The following NAV2 variants were observed in gnomAD, a reference collection of about 807,000 sequenced individuals.
The protein encoded by NAV2 is helicase, APC down-regulated 1.
A neutral mutation model predicts 223.2 loss-of-function variants in NAV2; 54 were observed. The ratio of observed to expected loss-of-function variants is 0.24; its 90% CI spans 0.19 to 0.30. NAV2 has a LOEUF of 0.30. Ranked by LOEUF, NAV2 falls within the 10% of genes least tolerant of loss-of-function variation. The pLI is 1.00. For missense variants in NAV2, 2,806 were observed against 3,147.5 expected (o/e 0.89, Z 2.60); for synonymous variants, 1,279 against 1,239.3 (o/e 1.03, Z -0.67).
At chr11:20,084,958 G>A (rs911437474) in intron 26 of NAV2, among the ~76,000 whole-genome samples, 2 of 152,154 alleles carry the variant, frequency 1.3e-5, no homozygotes, top group Non-Finnish European at 2.9e-5. Flanking sequence ...GGAGGCCAAG[G>A]AGGGAGGATT....
At chr11:19,353,395 G>A (rs1853437186) in intron 1 of NAV2, among the ~76,000 whole-genome samples, 1 of 152,200 alleles carries the variant, frequency 6.6e-6, no homozygotes, top group South Asian at 2.1e-4. Flanking sequence ...AATAGGATCT[G>A]GCTGTTTGTG....
chr11:20,106,224 T>C (rs1189300296), intron 35 of NAV2, among the ~76,000 whole-genome samples: 2 of 109,370 alleles, frequency 1.8e-5, no homozygotes, highest in African/African-American at 6.7e-5. Context: ...TATATATATA[T>C]ATATATGCTT....
At chr11:19,401,389 G>T (rs1849679369) in intron 1 of NAV2, among the ~76,000 whole-genome samples, 1 of 152,180 alleles carries the variant, frequency 6.6e-6, no homozygotes, top group Non-Finnish European at 1.5e-5. Flanking sequence ...TTGTCTTATT[G>T]GTGTTGATAG....
At chr11:19,394,463 C>G (rs2729861) in intron 1 of NAV2, among the ~76,000 whole-genome samples, 2 of 152,136 alleles carry the variant, frequency 1.3e-5, no homozygotes, top group African/African-American at 4.8e-5. Flanking sequence ...AGACTCTGGG[C>G]GCATAGTGGT....
chr11:19,503,357 G>A (rs974372817), intron 1 of NAV2: 1 of 152,176 alleles, frequency 6.6e-6, no homozygotes, highest in Non-Finnish European at 1.5e-5. Flanking sequence ...GTTGTTCCTT[G>A]TATGGGTTTG....
At chr11:19,629,578 C>CAG (rs1491007251) in intron 1 of NAV2, among the ~76,000 whole-genome samples, 4 of 146,356 alleles carry the variant, frequency 2.7e-5, no homozygotes, top group Admixed American at 2.7e-4. Flanking sequence ...CACACACACA[C>CAG]AGCCTAGGAG....
chr11:20,038,827 C>A (rs2056647491), intron 12 of NAV2, among the ~76,000 whole-genome samples: 1 of 152,120 alleles, frequency 6.6e-6, no homozygotes, highest in Non-Finnish European at 1.5e-5. Context: ...GTTTGAAAAG[C>A]CTCTGAGAAA....
chr11:19,654,255 T>G (rs2048053313), intron 1 of NAV2, among the ~76,000 whole-genome samples: 1 of 152,166 alleles, frequency 6.6e-6, no homozygotes, highest in Non-Finnish European at 1.5e-5. Context: ...TACAAACAAA[T>G]GGAAGAACAT....
intron 1 of NAV2, among the ~76,000 whole-genome samples, chr11:19,636,911 T>C (rs1018644322): frequency 6.6e-6 from 1 of 151,996 alleles, no homozygotes; most frequent in South Asian, 2.1e-4. Context: ...AATGTGATAA[T>C]GAGTTTCCTC....
At chr11:19,775,361 A>C (rs138036675) in intron 1 of NAV2, among the ~76,000 whole-genome samples, 66 of 152,262 alleles carry the variant, frequency 4.3e-4, no homozygotes, top group Middle Eastern at 3.4e-3. Context: ...GTAGTCATTC[A>C]GTCTAAGTTA....
At position 19,860,015 on chromosome 11, in the gene NAV2, G is replaced by T. The variant is rs558910110; in HGVS notation, c.439-8910G>T. Among the ~76,000 whole-genome samples the T allele has an allele frequency of 4.7e-3, 526 of 111,578 alleles. 22 individuals carry two copies. The highest frequency in any genetic ancestry group is 0.018 in the African/African-American group (491 of 27,288). 73.2% of individuals were successfully genotyped at this position (111,578 alleles called of 152,430 possible). Reference sequence around the variant, plus strand: ...GGGGGGCTGACCCCCCCTCCCTCCCGGATGGGGCGGCTGGCCAGGCGGGGG... The same window carrying T: ...GGGGGGCTGACCCCCCCTCCCTCCCTGATGGGGCGGCTGGCCAGGCGGGGG... On this transcript the variant is annotated intron_variant, in intron 3 of 37. Transcript: ENST00000349880.
intron 1 of NAV2, among the ~76,000 whole-genome samples, chr11:19,578,702 G>A (rs528483982): frequency 6.6e-6 from 1 of 152,348 alleles, no homozygotes; most frequent in South Asian, 2.1e-4. Flanking sequence ...TCAGGGGTCT[G>A]CATATTTTGG....
chr11:19,746,414 C>T (rs987335407), intron 1 of NAV2, among the ~76,000 whole-genome samples: 1 of 152,058 alleles, frequency 6.6e-6, no homozygotes, highest in African/African-American at 2.4e-5. Context: ...TCACACATGC[C>T]TCCAATCTTA....
chr11:19,615,770 C>A (rs182977839), intron 1 of NAV2, among the ~76,000 whole-genome samples: 1 of 152,118 alleles, frequency 6.6e-6, no homozygotes, highest in Non-Finnish European at 1.5e-5. Context: ...TTATTGAGAG[C>A]GTGTGATGTG....
chr11:19,538,727 G>A (rs909038265), intron 1 of NAV2, among the ~76,000 whole-genome samples: 1 of 151,342 alleles, frequency 6.6e-6, no homozygotes, highest in African/African-American at 2.4e-5. Flanking sequence ...TTTTATTTAT[G>A]TATCTTTTTA....
At chr11:19,962,637 G>C (rs2048433378) in intron 10 of NAV2, among the ~76,000 whole-genome samples, 1 of 152,166 alleles carries the variant, frequency 6.6e-6, no homozygotes, top group Non-Finnish European at 1.5e-5. Flanking sequence ...CCTGGGTCCT[G>C]GTAAGAAATC....
rs371909380 is a variant in NAV2 at position 19,822,288 on chromosome 11, G to A, written c.268-10196G>A. ...AACTATCAGGAAATGCTTGGAGCAT[G>A]TTTGGAACTAAATTATCTGACTCTA... On this transcript the variant is annotated intron_variant, in intron 1 of 37. Transcript: ENST00000349880. Among the ~76,000 whole-genome samples the A allele has an allele frequency of 5.6e-3, 846 of 152,308 alleles. 10 individuals are homozygous for A. Among genetic ancestry groups the A allele is most frequent in the African/African-American group, 0.02 (814 of 41,556 alleles).
At chr11:20,087,558 C>T (rs77830322) in intron 26 of NAV2, among the ~76,000 whole-genome samples, 2 of 152,098 alleles carry the variant, frequency 1.3e-5, no homozygotes, top group Non-Finnish European at 2.9e-5. Context: ...TTCCCACACT[C>T]GAGGCATTTT....
At chr11:20,037,328 A>G (rs1191775507) in intron 12 of NAV2, among the ~76,000 whole-genome samples, 1 of 151,834 alleles carries the variant, frequency 6.6e-6, no homozygotes, top group Non-Finnish European at 1.5e-5. Context: ...TGATTTGGAA[A>G]TCTATTTTCT....
Sources: gnomAD v4.1 joint callset for allele counts (sites outside exome capture counted in the v4.1 genomes callset) on GRCh38, gnomAD v4.1.1 for gene constraint, MANE v1.5 for transcripts, NCBI Gene and HGNC (gene_info 2026-07-23, HGNC 2026-07-21) for gene names.